The following SLC41A2 variants were observed in gnomAD, a reference collection of about 807,000 sequenced individuals.
The protein encoded by SLC41A2 is solute carrier family 41 member 2.
SLC41A2 carries 32 observed loss-of-function variants against 58.3 expected under a neutral mutation model. The ratio of observed to expected loss-of-function variants is 0.55; its 90% CI spans 0.41 to 0.74. The LOEUF (loss-of-function observed/expected upper bound fraction) is 0.74, where lower values mean the gene tolerates loss of function less well. Among genes scored for constraint, SLC41A2 ranks in the 30% least tolerant of loss-of-function variants. The pLI, the probability that SLC41A2 is intolerant of heterozygous loss-of-function variation, is 0.00. For missense variants in SLC41A2, 514 were observed against 680.6 expected, an observed-to-expected ratio of 0.76 and a Z score of 2.72; for synonymous variants, 190 against 235.0, an observed-to-expected ratio of 0.81 and a Z score of 1.75.
intron 4 of SLC41A2, among the ~76,000 whole-genome samples, chr12:104,893,433 G>C (rs1040322094): frequency 1.3e-5 from 2 of 152,168 alleles, no homozygotes; most frequent in African/African-American, 2.4e-5. Context: ...AAGCACTATG[G>C]GGAACAGTTC....
intron 10 of SLC41A2, among the ~76,000 whole-genome samples, chr12:104,813,165 C>T (rs2041248440): frequency 6.6e-6 from 1 of 150,616 alleles, no homozygotes; most frequent in African/African-American, 2.4e-5. Flanking sequence ...GGCGACAGAG[C>T]AAGACTCTGT....
chr12:104,884,054 G>A (rs757252875), intron 6 of SLC41A2, among the ~76,000 whole-genome samples: 1 of 152,196 alleles, frequency 6.6e-6, no homozygotes, highest in African/African-American at 2.4e-5. Flanking sequence ...AATGGCGGAC[G>A]CCCCTCCCCC....
chr12:104,895,007 C>T (rs183291421), intron 4 of SLC41A2, among the ~76,000 whole-genome samples: 4 of 152,246 alleles, frequency 2.6e-5, no homozygotes, highest in African/African-American at 7.2e-5. Context: ...CTATCACACA[C>T]TTATGATAGA....
intron 2 of SLC41A2, among the ~76,000 whole-genome samples, chr12:104,922,357 G>A (rs901249239): frequency 1.3e-5 from 2 of 151,890 alleles, no homozygotes; most frequent in African/African-American, 4.8e-5. Flanking sequence ...CAAGAAAAGA[G>A]CAAAGAATAG....
intron 10 of SLC41A2, among the ~76,000 whole-genome samples, chr12:104,826,353 T>C (rs145141324): frequency 1.2e-3 from 187 of 152,326 alleles, no homozygotes; most frequent in Non-Finnish European, 2.2e-3. Context: ...CGAGGACAGA[T>C]GGTCTGAGGT....
At chr12:104,856,778 C>G (rs2043035741) in intron 8 of SLC41A2, among the ~76,000 whole-genome samples, 1 of 151,956 alleles carries the variant, frequency 6.6e-6, no homozygotes, top group African/African-American at 2.4e-5. Flanking sequence ...GAGATACGAA[C>G]AGAGGTGAAG....
intron 7 of SLC41A2, among the ~76,000 whole-genome samples, chr12:104,863,418 C>T (rs1016413640): frequency 1.3e-5 from 2 of 151,788 alleles, no homozygotes; most frequent in South Asian, 2.1e-4. Context: ...TGGGGAAACA[C>T]GGCGAGACAC....
intron 10 of SLC41A2, among the ~76,000 whole-genome samples, chr12:104,814,168 C>A: frequency 6.6e-6 from 1 of 152,108 alleles, no homozygotes; most frequent in East Asian, 1.9e-4. Flanking sequence ...CATTGGGAGG[C>A]CAAGGCAGGT....
chr12:104,935,444 AT>A, intron 1 of SLC41A2, among the ~76,000 whole-genome samples: 1 of 152,332 alleles, frequency 6.6e-6, no homozygotes, highest in Non-Finnish European at 1.5e-5. Flanking sequence ...GTAGATCAAA[AT>A]ATCACATTAC....
intron 10 of SLC41A2, among the ~76,000 whole-genome samples, chr12:104,832,910 C>T (rs550661263): frequency 3.2e-4 from 48 of 152,186 alleles, no homozygotes; most frequent in African/African-American, 1.1e-3. Context: ...GCTTATTGTC[C>T]GGTCTCAAAT....
intron 2 of SLC41A2, among the ~76,000 whole-genome samples, chr12:104,918,833 C>G (rs1354719803): frequency 1.3e-5 from 2 of 152,134 alleles, no homozygotes; most frequent in South Asian, 2.1e-4. Context: ...TTATAAAAAA[C>G]TAATACAGAG....
At chr12:104,916,479 A>C (rs1441798810) in intron 2 of SLC41A2, among the ~76,000 whole-genome samples, 1 of 152,148 alleles carries the variant, frequency 6.6e-6, no homozygotes, top group Non-Finnish European at 1.5e-5. Flanking sequence ...ACTACTTTAA[A>C]GTTCATATGG....
intron 4 of SLC41A2, among the ~76,000 whole-genome samples, chr12:104,890,307 GA>G (rs2044889262): frequency 6.6e-6 from 1 of 152,196 alleles, no homozygotes; most frequent in Admixed American, 6.6e-5. Context: ...GTCATCCACA[GA>G]TACAGAGCTG....
chr12:104,875,096 C>CTA (rs1201329288), intron 6 of SLC41A2, among the ~76,000 whole-genome samples: 2 of 152,132 alleles, frequency 1.3e-5, no homozygotes, highest in African/African-American at 4.8e-5. Context: ...ACACAGTGTG[C>CTA]TATATTACAC....
At chr12:104,812,109 A>C (rs2041197197) in intron 10 of SLC41A2, among the ~76,000 whole-genome samples, 2 of 152,232 alleles carry the variant, frequency 1.3e-5, no homozygotes, top group African/African-American at 4.8e-5. Context: ...TTGTTCTGAG[A>C]ACAGTGGCAG....
In SLC41A2 at chr12:104,924,738, C is replaced by T. The variant is rs567351923; in HGVS notation, c.555+3235G>A. 3.5e-4 allele frequency among the ~76,000 whole-genome samples: 52 copies of T among 150,006 alleles called. No homozygotes were observed. The South Asian group carries it at 3.8e-3, about 11-fold the overall frequency. On this transcript the variant is annotated intron_variant, in intron 2 of 10. Transcript: ENST00000258538. Reference sequence around the variant, plus strand: ...CAGCCAGGGCAACAAGAGTGAAACTCTGTCTCAAAAAAAAAAAAGAGTCTG... The same window carrying T: ...CAGCCAGGGCAACAAGAGTGAAACTTTGTCTCAAAAAAAAAAAAGAGTCTG...
At chr12:104,894,677 A>T (rs1364343638) in intron 4 of SLC41A2, among the ~76,000 whole-genome samples, 1 of 152,162 alleles carries the variant, frequency 6.6e-6, no homozygotes, top group Non-Finnish European at 1.5e-5. Flanking sequence ...CTAGCTAGAG[A>T]ATTACTAGGG....
intron 8 of SLC41A2, among the ~76,000 whole-genome samples, chr12:104,856,210 G>A (rs1468418027): frequency 6.6e-6 from 1 of 152,038 alleles, no homozygotes; most frequent in African/African-American, 2.4e-5. Context: ...TCAAGAGCAG[G>A]GTCTTGAAGA....
At chr12:104,817,126 A>T (rs1412640025) in intron 10 of SLC41A2, among the ~76,000 whole-genome samples, 1 of 152,236 alleles carries the variant, frequency 6.6e-6, no homozygotes, top group Non-Finnish European at 1.5e-5. Flanking sequence ...TATAGCATGT[A>T]TGTGACTGTA....
Sources: gnomAD v4.1 joint callset for allele counts (sites outside exome capture counted in the v4.1 genomes callset) on GRCh38, gnomAD v4.1.1 for gene constraint, MANE v1.5 for transcripts, NCBI Gene and HGNC (gene_info 2026-07-23, HGNC 2026-07-21) for gene names.